Variants in EFCAB3 observed in about 807,000 individuals in gnomAD.
The protein encoded by EFCAB3 is EF-hand calcium binding domain 3, also known as EF-hand calcium-binding domain-containing protein 3.
In EFCAB3, 36 loss-of-function variants were observed where a neutral mutation model predicts 42.2. That is an observed-to-expected ratio of 0.85 (90% confidence interval 0.65 to 1.13). The LOEUF (loss-of-function observed/expected upper bound fraction) is 1.13. EFCAB3 is among the 50% of genes most tolerant of loss of function. EFCAB3 has a pLI of 0.00. For missense variants in EFCAB3, 418 were observed against 505.1 expected (o/e 0.83, Z 1.65); for synonymous variants, 170 against 172.8 (o/e 0.98, Z 0.13).
At chr17:62,412,879 A>G (rs2070511669) in intron 8 of EFCAB3, among the ~76,000 whole-genome samples, 3 of 152,206 alleles carry the variant, frequency 2.0e-5, no homozygotes. Context: ...TAACTTAAGG[A>G]AAACGTGACA....
chr17:62,388,443 A>G (rs2070274435), intron 3 of EFCAB3, among the ~76,000 whole-genome samples: 1 of 152,216 alleles, frequency 6.6e-6, no homozygotes, highest in Non-Finnish European at 1.5e-5. Flanking sequence ...CAAAGGCCAG[A>G]AAAAAGGGAA....
Position 62,407,058 on chromosome 17 carries a change from C to A in EFCAB3, c.713C>A (p.Ser238Ter), listed in dbSNP as rs1429608472. 3 of 1,594,544 alleles carry A rather than the reference C, an allele frequency of 1.9e-6. No individual in the cohort carries two copies. Among genetic ancestry groups the A allele is most frequent in the Non-Finnish European group, 2.6e-6 (3 of 1,174,370 alleles). Residue 238 changes from serine (S) to a stop codon, truncating the protein, a stop_gained, in exon 8 of 10, where the codon TCA becomes TAA. Coordinates refer to ENST00000305286, the MANE Select transcript of EFCAB3 (RefSeq NM_173503.4). LOFTEE classifies it high-confidence loss of function. ...RCNSGSDSPY[S>*]KIPIFPLFPN... The stretch of plus-strand genomic sequence containing the variant: ...AATTCCGGTTCAGATAGCCCATATT[C>A]AAAAATACCCATCTTTCCATTGTTC...
chr17:62,408,687 C>A (rs143723993), intron 8 of EFCAB3, among the ~76,000 whole-genome samples: 1 of 152,174 alleles, frequency 6.6e-6, no homozygotes, highest in Non-Finnish European at 1.5e-5. Flanking sequence ...AGAAAATTTC[C>A]ATTATTGAGG....
chr17:62,391,302 T>G (rs527402416), intron 3 of EFCAB3, among the ~76,000 whole-genome samples: 1 of 151,950 alleles, frequency 6.6e-6, no homozygotes, highest in African/African-American at 2.4e-5. Flanking sequence ...TCTTTTTTCT[T>G]GCAGGGCTGA....
rs1598009461 is a variant in EFCAB3 at position 62,387,471 on chromosome 17, C to A, written c.151+55C>A. 5 of 1,412,356 alleles carry A rather than the reference C, an allele frequency of 3.5e-6. No homozygotes were observed. The East Asian group carries it at 1.2e-4, about 33-fold the overall frequency. 87.5% of individuals were successfully genotyped at this position (1,412,356 alleles called of 1,614,324 possible). A position where few individuals can be genotyped will look rare whatever the true frequency, so the allele number is the denominator to read the frequency against. ...ATAACAGCTCCTTAATATGTCTGAT[C>A]CTTTCTTCTCTAAGAAAGATCTGAG... is the stretch of plus-strand genomic sequence containing the variant. On this transcript the variant is annotated intron_variant, in intron 3 of 9. Coordinates refer to ENST00000305286, the MANE Select transcript of EFCAB3 (RefSeq NM_173503.4).
chr17:62,389,663 A>C (rs1272005346), intron 3 of EFCAB3, among the ~76,000 whole-genome samples: 1 of 152,110 alleles, frequency 6.6e-6, no homozygotes, highest in Non-Finnish European at 1.5e-5. Flanking sequence ...CTACCTCCTT[A>C]CCAGCATCTG....
At chr17:62,387,041 C>T (rs2070258127) in intron 2 of EFCAB3, among the ~76,000 whole-genome samples, 1 of 152,146 alleles carries the variant, frequency 6.6e-6, no homozygotes, top group Non-Finnish European at 1.5e-5. Context: ...ATCCTCTTGC[C>T]TTGACCTCCC....
At chr17:62,386,522 A>G (rs928980065) in intron 2 of EFCAB3, among the ~76,000 whole-genome samples, 12 of 152,294 alleles carry the variant, frequency 7.9e-5, no homozygotes, top group African/African-American at 2.4e-4. Flanking sequence ...CTGTAAGGGT[A>G]TTCACCACAA....
chr17:62,406,310 G>T (rs984192491), intron 6 of EFCAB3, among the ~76,000 whole-genome samples, 170 bp from the exon 7 acceptor site: 1 of 152,212 alleles, frequency 6.6e-6, no homozygotes, highest in Non-Finnish European at 1.5e-5. Context: ...GAAGGTATCA[G>T]TAAATATTCT....
upstream of EFCAB3, among the ~76,000 whole-genome samples, chr17:62,380,254 G>C (rs1186945391): frequency 6.6e-6 from 1 of 152,072 alleles, no homozygotes; most frequent in Admixed American, 6.5e-5. Flanking sequence ...TGCCCGCCTC[G>C]GCCCCCCAAA....
At chr17:62,374,078 T>G (rs2144044907) in intron 2 of EFCAB3, among the ~76,000 whole-genome samples, 2 of 152,346 alleles carry the variant, frequency 1.3e-5, no homozygotes, top group South Asian at 4.1e-4. Flanking sequence ...AATTTTTTCC[T>G]TATGCATACA....
chr17:62,395,164 GA>G lies in EFCAB3; in HGVS notation c.467del (p.Lys156SerfsTer3), dbSNP rs780186442. ...SRLLETSALP[R>X]KSIIEIVSYF... ...CTTCTAGAGACTTCAGCCCTACCCA[GA>G]AAGTCTATAATAGAAATAGTAAGGT... On this transcript the variant is annotated frameshift_variant, in exon 6 of 10. Transcript: ENST00000305286. LOFTEE classifies it high-confidence loss of function. 1.2e-6 allele frequency: 2 copies of G among 1,613,718 alleles called. No homozygotes were observed. The highest frequency in any genetic ancestry group is 1.7e-5 in the Admixed American group (1 of 59,960).
intron 2 of EFCAB3, chr17:62,374,014 T>G: frequency 2.1e-6 from 1 of 478,416 alleles, no homozygotes; most frequent in Admixed American, 4.0e-5. Flanking sequence ...AAAAGGAAAT[T>G]TTAATAATTC....
At chr17:62,395,218 CCT>C in intron 6 of EFCAB3, 30 bp downstream of exon 6, 1 of 1,608,738 alleles carries the variant, frequency 6.2e-7, no homozygotes, top group Non-Finnish European at 8.5e-7. Flanking sequence ...GCAAAAACAG[CCT>C]TCTCAGAAGC....
intron 8 of EFCAB3, among the ~76,000 whole-genome samples, chr17:62,407,719 T>C (rs904109679): frequency 3.3e-5 from 5 of 152,158 alleles, no homozygotes; most frequent in African/African-American, 1.2e-4. Context: ...CCTCCCAGGA[T>C]ATACTTTTGT....
intron 2 of EFCAB3, among the ~76,000 whole-genome samples, chr17:62,386,360 T>C (rs28507122): frequency 0.38 from 57,397 of 151,914 alleles, 13,931 homozygotes; most frequent in Non-Finnish European, 0.53. Context: ...TCACCCAGGG[T>C]TTCAAATTTT....
Position 62,413,765 on chromosome 17 carries a change from G to A in EFCAB3, c.901G>A (p.Gly301Ser), listed in dbSNP as rs1450205684. ...ANIKSMDPAS[G>S]YSNNIFTIDQ... The stretch of plus-strand genomic sequence containing the variant: ...TATAAAGTCTATGGACCCTGCCTCA[G>A]GTTATTCAAATAACATCTTCACCAT... The change falls in exon 9 of 10, where the codon GGT (glycine) becomes AGT (serine). Residue 301 changes from glycine to serine, a missense_variant. Coordinates refer to ENST00000305286, the MANE Select transcript of EFCAB3 (RefSeq NM_173503.4). The A allele has an allele frequency of 6.2e-7, 1 of 1,613,186 alleles. No homozygotes were observed. Among genetic ancestry groups the A allele is most frequent in the African/African-American group, 1.3e-5 (1 of 74,896 alleles).
intron 8 of EFCAB3, among the ~76,000 whole-genome samples, chr17:62,407,867 TGGAGCTCTG>T (rs974397719): frequency 1.2e-4 from 18 of 152,328 alleles, no homozygotes; most frequent in African/African-American, 4.1e-4. Flanking sequence ...GCCCACCCTG[TGGAGCTCTG>T]GGTTCCAGAG....
intron 2 of EFCAB3, among the ~76,000 whole-genome samples, chr17:62,384,521 G>A (rs999699158): frequency 6.6e-6 from 1 of 152,134 alleles, no homozygotes; most frequent in African/African-American, 2.4e-5. Context: ...GGGCTGAGGT[G>A]GGAGGATTGC....
Sources: gnomAD v4.1 joint callset for allele counts (sites outside exome capture counted in the v4.1 genomes callset) on GRCh38, gnomAD v4.1.1 for gene constraint, MANE v1.5 for transcripts, NCBI Gene and HGNC (gene_info 2026-07-23, HGNC 2026-07-21) for gene names.